The following EDEM2 variants were observed in gnomAD, a reference collection of about 807,000 sequenced individuals.
EDEM2 encodes ER degradation enhancing alpha-mannosidase like protein 2, also known as ER degradation-enhancing alpha-mannosidase-like protein 2.
Under a neutral mutation model 64.8 loss-of-function variants are expected in EDEM2, and 39 were observed. The ratio of observed to expected loss-of-function variants is 0.60; its 90% CI spans 0.47 to 0.79. The LOEUF is 0.79. Among genes scored for constraint, EDEM2 ranks in the 30% least tolerant of loss-of-function variants. The pLI, the probability that EDEM2 is intolerant of heterozygous loss-of-function variation, is 0.00. For missense variants in EDEM2, 609 were observed against 731.3 expected (o/e 0.83, Z 1.93); for synonymous variants, 296 against 291.5 (o/e 1.02, Z -0.16).
At chr20:35,143,888 A>G (rs2085692598) in intron 3 of EDEM2, among the ~76,000 whole-genome samples, 1 of 149,762 alleles carries the variant, frequency 6.7e-6, no homozygotes, top group Non-Finnish European at 1.5e-5. Flanking sequence ...TTACCTTTCT[A>G]AGCATCAGGT....
In EDEM2 at chr20:35,137,865, C is replaced by G; in HGVS notation, c.490+15G>C. The G allele has an allele frequency of 6.2e-7, 1 of 1,613,278 alleles. No homozygotes were observed. The highest frequency in any genetic ancestry group is 1.1e-5 in the South Asian group (1 of 90,996). ...ACTGGACTTCGTCTCTGCCCCATCTCTGTGTGGGTCTTACCTGGGAGGAGT... is the reference window on the plus strand; with the variant it reads ...ACTGGACTTCGTCTCTGCCCCATCTGTGTGTGGGTCTTACCTGGGAGGAGT... On this transcript the variant is annotated intron_variant, in intron 5 of 10. Transcript: ENST00000374492.
chr20:35,119,308 A>G (rs1009004182), intron 9 of EDEM2, among the ~76,000 whole-genome samples: 1 of 152,214 alleles, frequency 6.6e-6, no homozygotes, highest in Non-Finnish European at 1.5e-5. Context: ...ATCCAAGAGC[A>G]GGCCAGGCAT....
chr20:35,145,114 CAA>C, intron 2 of EDEM2, 96 bp from the exon 3 acceptor site: 1 of 1,231,522 alleles, frequency 8.1e-7, no homozygotes, highest in Non-Finnish European at 1.2e-6. Flanking sequence ...CTAAATGAGG[CAA>C]AGTAATGCCT....
intron 5 of EDEM2, among the ~76,000 whole-genome samples, chr20:35,136,754 GA>G (rs11481205): frequency 0.047 from 4,815 of 102,198 alleles, 278 homozygotes; most frequent in African/African-American, 0.17. Flanking sequence ...GACCCTGTCT[GA>G]AAAAAAAAAA....
chr20:35,124,158 C>CA, intron 8 of EDEM2, 124 bp from the exon 9 acceptor site: 1 of 1,218,424 alleles, frequency 8.2e-7, no homozygotes. Flanking sequence ...CTGAGTCTGC[C>CA]AGTTACTCAG....
chr20:35,119,262 T>G (rs891757180), intron 9 of EDEM2, among the ~76,000 whole-genome samples: 3 of 152,170 alleles, frequency 2.0e-5, no homozygotes, highest in African/African-American at 7.2e-5. Context: ...TAAGGCTCGT[T>G]CTAAGATAGG....
rs1210398331 is a variant in EDEM2, at chr20:35,123,938, G to C, written c.1066C>G (p.Pro356Ala). The C allele has an allele frequency of 3.1e-6, 5 of 1,614,178 alleles. No individual in the cohort carries two copies. The highest frequency in any genetic ancestry group is 4.2e-6 in the Non-Finnish European group (5 of 1,180,032). ...FGGLPEFYNI[P>A]QGYTVEKREG... ...CGCTTCTCCACTGTGTATCCCTGAGGAATGTTGTAGAATTCCGGGAGCCCC... is the reference window on the plus strand; with the variant it reads ...CGCTTCTCCACTGTGTATCCCTGAGCAATGTTGTAGAATTCCGGGAGCCCC... Residue 356 changes from proline to alanine, a missense_variant, in exon 9 of 11, where the codon CCT (proline) becomes GCT (alanine). Transcript: ENST00000374492.
Position 35,147,296 on chromosome 20 carries a change from A to AGCCACT in EDEM2, c.-44_-39dup. The AGCCACT allele has an allele frequency of 6.8e-7, 1 of 1,467,864 alleles. No individual in the cohort carries two copies. Among genetic ancestry groups the AGCCACT allele is most frequent in the Non-Finnish European group, 9.0e-7 (1 of 1,105,642 alleles). The allele number at this position is 1,467,864 out of a possible 1,614,324, so 90.9% of individuals were successfully genotyped here. Reference sequence around the variant, plus strand: ...CTCTCAGCGCCCCCGCAGCAGCAGCAGCCACTGCAACCAGTTCATCCTGGG... The same window carrying AGCCACT: ...CTCTCAGCGCCCCCGCAGCAGCAGCAGCCACTGCCACTGCAACCAGTTCATCCTGGG... On this transcript the variant is annotated 5_prime_UTR_variant, in exon 1 of 11. Transcript: ENST00000374492.
intron 7 of EDEM2, among the ~76,000 whole-genome samples, chr20:35,128,307 C>T (rs990432109): frequency 1.4e-4 from 19 of 140,584 alleles, no homozygotes; most frequent in South Asian, 6.7e-4. Flanking sequence ...GGCGTGAATC[C>T]GGGAGGTGGA....
intron 3 of EDEM2, 104 bp downstream of exon 3, chr20:35,144,875 G>A: frequency 1.5e-6 from 2 of 1,325,486 alleles, no homozygotes; most frequent in Non-Finnish European, 1.1e-6. Flanking sequence ...CAAATAAAAG[G>A]CCTAGGAGAG....
At chr20:35,139,250 T>G (rs1483043332) in intron 4 of EDEM2, among the ~76,000 whole-genome samples, 1 of 150,932 alleles carries the variant, frequency 6.6e-6, no homozygotes, top group Non-Finnish European at 1.5e-5. Context: ...CTTGGGAAGC[T>G]GAGGCAGAAG....
In EDEM2 at chr20:35,126,377, T is replaced by C; in HGVS notation, c.845-2A>G. Reference sequence around the variant, plus strand: ...AGTTCCGGATGGCTTTGTTATACTCTGCAGTGGGGGAGATGGGATAATGGA... The same window carrying C: ...AGTTCCGGATGGCTTTGTTATACTCCGCAGTGGGGGAGATGGGATAATGGA... On this transcript the variant is annotated splice_acceptor_variant, in intron 7 of 10. Transcript: ENST00000374492. LOFTEE classifies it high-confidence loss of function. 1 of 1,613,640 alleles carries C rather than the reference T, an allele frequency of 6.2e-7. No homozygotes were observed. The highest frequency in any genetic ancestry group is 8.5e-7 in the Non-Finnish European group (1 of 1,179,900).
At chr20:35,126,948 G>C (rs2085441432) in intron 7 of EDEM2, among the ~76,000 whole-genome samples, 1 of 152,072 alleles carries the variant, frequency 6.6e-6, no homozygotes, top group African/African-American at 2.4e-5. Context: ...GATGTGGTTT[G>C]GCTGTGTCCC....
At chr20:35,129,067 G>C (rs1023687143) in intron 7 of EDEM2, among the ~76,000 whole-genome samples, 1 of 151,326 alleles carries the variant, frequency 6.6e-6, no homozygotes, top group African/African-American at 2.4e-5. Context: ...AGGAGTTTGA[G>C]ACCAGCCTGG....
intron 3 of EDEM2, among the ~76,000 whole-genome samples, chr20:35,144,022 C>T (rs2085694907): frequency 6.6e-6 from 1 of 152,090 alleles, no homozygotes; most frequent in Admixed American, 6.5e-5. Context: ...AATCCTCCTA[C>T]CTCACCCTCC....
At chr20:35,131,597 G>A (rs56289894) in intron 7 of EDEM2, 45 bp downstream of exon 7, 228,110 of 1,595,802 alleles carry the variant, frequency 0.14, 26,611 homozygotes, top group African/African-American at 0.61. Flanking sequence ...TCACACATCA[G>A]CAAGAAAAAT....
At chr20:35,116,855 T>G (rs1463524178) in intron 10 of EDEM2, among the ~76,000 whole-genome samples, 3 of 152,058 alleles carry the variant, frequency 2.0e-5, no homozygotes, top group Non-Finnish European at 4.4e-5. Context: ...AATGGCATGG[T>G]CTCGGCTCAC....
chr20:35,147,263 C>T lies in EDEM2; in HGVS notation c.-5G>A, dbSNP rs755484097. The T allele has an allele frequency of 2.6e-6, 4 of 1,539,824 alleles. No individual in the cohort carries two copies. The highest frequency in any genetic ancestry group is 3.9e-5 in the Admixed American group (2 of 50,918). ...GATGAGCAGCCGGAAAGGCATAGAGCTCGTGTCCTCTCAGCGCCCCCGCAG... is the reference window on the plus strand; with the variant it reads ...GATGAGCAGCCGGAAAGGCATAGAGTTCGTGTCCTCTCAGCGCCCCCGCAG... On this transcript the variant is annotated 5_prime_UTR_variant, in exon 1 of 11. Transcript: ENST00000374492.
intron 4 of EDEM2, among the ~76,000 whole-genome samples, chr20:35,141,286 G>A (rs2085650536): frequency 6.6e-6 from 1 of 152,156 alleles, no homozygotes; most frequent in Non-Finnish European, 1.5e-5. Flanking sequence ...TGCAAAAGAT[G>A]TATCTAATCA....
Sources: allele counts gnomAD v4.1 joint callset (sites outside exome capture counted in the v4.1 genomes callset), GRCh38; gene constraint gnomAD v4.1.1; transcripts MANE v1.5; gene names NCBI Gene and HGNC (gene_info 2026-07-23, HGNC 2026-07-21).